FAT3: variants seen among roughly 807,000 people sequenced by gnomAD.
The protein encoded by FAT3 is FAT atypical cadherin 3.
In FAT3, 95 loss-of-function variants were observed where a neutral mutation model predicts 310.2. That is an observed-to-expected ratio of 0.31 (90% CI 0.26 to 0.36). The LOEUF (loss-of-function observed/expected upper bound fraction) is 0.36, where lower values mean the gene tolerates loss of function less well. FAT3 is among the 10% of genes least tolerant of loss of function. The probability of loss-of-function intolerance (pLI) is 1.00; values close to 1 mark genes in which losing one functional copy is unlikely to be tolerated. For synonymous variants in FAT3, 2,314 were observed against 2,192.9 expected, an observed-to-expected ratio of 1.06 and a Z score of -1.54; for missense variants, 5,408 against 5,715.6, an observed-to-expected ratio of 0.95 and a Z score of 1.74.
chr11:92,525,519 T>C (rs949978821), intron 3 of FAT3, among the ~76,000 whole-genome samples: 3 of 152,170 alleles, frequency 2.0e-5, no homozygotes, highest in Non-Finnish European at 2.9e-5. Context: ...AAAACTTAAT[T>C]GGTTGAGTAA....
rs114359654 is a variant in FAT3 at position 92,826,181 on chromosome 11, A to G, written c.9482-5441A>G. ...AAAGACAGAAACCTTCCACTTCTCA[A>G]AAGAAACAAAACACTGTCTTTTAAG... On this transcript the variant is annotated intron_variant, in intron 13 of 27. Transcript: ENST00000525166. Among the ~76,000 whole-genome samples the G allele has an allele frequency of 4.8e-3, 733 of 152,284 alleles. 5 individuals carry two copies. Among genetic ancestry groups the G allele is most frequent in the African/African-American group, 0.017 (697 of 41,554 alleles).
intron 1 of FAT3, among the ~76,000 whole-genome samples, chr11:92,319,628 C>T (rs1430595245): frequency 4.6e-5 from 7 of 152,120 alleles, no homozygotes; most frequent in Admixed American, 1.3e-4. Context: ...ATAGTTCCTA[C>T]CCTTAAGGAG....
intron 1 of FAT3, among the ~76,000 whole-genome samples, chr11:92,350,157 G>C (rs977514462): frequency 1.3e-5 from 2 of 151,862 alleles, no homozygotes; most frequent in African/African-American, 2.4e-5. Flanking sequence ...ATCAAGGAGA[G>C]GGGAGAAAGG....
intron 2 of FAT3, among the ~76,000 whole-genome samples, chr11:92,480,228 G>A (rs370100754): frequency 1.3e-4 from 20 of 152,090 alleles, no homozygotes; most frequent in African/African-American, 4.8e-4. Context: ...TGGCACCACT[G>A]CACTCCAGCC....
chr11:92,839,073 C>T (rs1160864473), intron 17 of FAT3, among the ~76,000 whole-genome samples: 3 of 152,234 alleles, frequency 2.0e-5, no homozygotes, highest in Non-Finnish European at 4.4e-5. Context: ...TCTCTGCCCT[C>T]ATGGCCTCTG....
At chr11:92,285,075 G>A (rs1946525488) in intron 1 of FAT3, among the ~76,000 whole-genome samples, 2 of 152,076 alleles carry the variant, frequency 1.3e-5, no homozygotes, top group Admixed American at 1.3e-4. Flanking sequence ...AAACACAGGA[G>A]GGCAGTGAAT....
chr11:92,574,275 C>T (rs1324823812), intron 3 of FAT3, among the ~76,000 whole-genome samples: 1 of 152,108 alleles, frequency 6.6e-6, no homozygotes, highest in Non-Finnish European at 1.5e-5. Context: ...CCTTAAACTC[C>T]CCAACCCCAC....
At chr11:92,713,032 C>T (rs1349973435) in intron 4 of FAT3, among the ~76,000 whole-genome samples, 1 of 152,226 alleles carries the variant, frequency 6.6e-6, no homozygotes, top group African/African-American at 2.4e-5. Flanking sequence ...CTGCACACTG[C>T]TTACCACCTC....
rs1177172630 is a variant in FAT3 at position 92,254,276 on chromosome 11, G to A, written c.-18+29102G>A. ...CTCCACACCCAAATATGGACAATGAGACAAGATTTAAGAAATGTTGATATC... is the reference window on the plus strand; with the variant it reads ...CTCCACACCCAAATATGGACAATGAAACAAGATTTAAGAAATGTTGATATC... On this transcript the variant is annotated intron_variant, in intron 1 of 27. Transcript: ENST00000525166. Among the ~76,000 whole-genome samples, 3 of 152,124 alleles carry A rather than the reference G, an allele frequency of 2.0e-5. No homozygotes were observed. The South Asian group carries it at 6.2e-4, about 32-fold the overall frequency.
chr11:92,225,924 T>TG (rs1337419929), intron 1 of FAT3, among the ~76,000 whole-genome samples: 6 of 151,846 alleles, frequency 4.0e-5, no homozygotes, highest in Middle Eastern at 3.4e-3. Flanking sequence ...GGCGGGCGTG[T>TG]GGGAAGGCTG....
chr11:92,229,999 C>T (rs2134225367), intron 1 of FAT3, among the ~76,000 whole-genome samples: 1 of 152,152 alleles, frequency 6.6e-6, no homozygotes, highest in African/African-American at 2.4e-5. Context: ...CAGCATTGTC[C>T]TTCCTTGAAC....
At chr11:92,324,087 T>C (rs1947703066) in intron 1 of FAT3, among the ~76,000 whole-genome samples, 1 of 152,216 alleles carries the variant, frequency 6.6e-6, no homozygotes, top group African/African-American at 2.4e-5. Context: ...TTGCTCTGGA[T>C]TAGACTTTGG....
chr11:92,623,243 C>G (rs567922286), intron 3 of FAT3, among the ~76,000 whole-genome samples: 68 of 148,418 alleles, frequency 4.6e-4, no homozygotes, highest in Non-Finnish European at 7.7e-4. Flanking sequence ...AGGTATGCTT[C>G]CCCCAGTGAC....
chr11:92,742,116 A>G (rs1005599123), intron 4 of FAT3, among the ~76,000 whole-genome samples: 1 of 152,220 alleles, frequency 6.6e-6, no homozygotes, highest in Non-Finnish European at 1.5e-5. Context: ...CTTATCCCTC[A>G]GAGAGCTTAC....
chr11:92,332,050 G>C (rs1947936453), intron 1 of FAT3, among the ~76,000 whole-genome samples: 1 of 152,152 alleles, frequency 6.6e-6, no homozygotes, highest in Admixed American at 6.5e-5. Context: ...TTCCATCATG[G>C]TGCTAACCTG....
At chr11:92,614,266 A>G (rs1940700742) in intron 3 of FAT3, among the ~76,000 whole-genome samples, 1 of 152,218 alleles carries the variant, frequency 6.6e-6, no homozygotes, top group Admixed American at 6.5e-5. Flanking sequence ...GAATATACAT[A>G]GGTATGGAAT....
chr11:92,515,129 T>C (rs1314546752), intron 2 of FAT3, among the ~76,000 whole-genome samples: 1 of 152,148 alleles, frequency 6.6e-6, no homozygotes, highest in Non-Finnish European at 1.5e-5. Context: ...CATACACTTA[T>C]TGAGTGCCTA....
chr11:92,587,511 GA>G (rs1939215961), intron 3 of FAT3, among the ~76,000 whole-genome samples: 2 of 151,926 alleles, frequency 1.3e-5, no homozygotes, highest in Non-Finnish European at 2.9e-5. Flanking sequence ...TAGTTGCACA[GA>G]CTAAAATGTC....
intron 4 of FAT3, among the ~76,000 whole-genome samples, chr11:92,736,206 C>A (rs1188601328): frequency 6.6e-6 from 1 of 152,046 alleles, no homozygotes; most frequent in African/African-American, 2.4e-5. Flanking sequence ...CTGACCCAGA[C>A]ATTTTATATC....
Sources: allele counts gnomAD v4.1 joint callset (sites outside exome capture counted in the v4.1 genomes callset), GRCh38; gene constraint gnomAD v4.1.1; transcripts MANE v1.5; gene names NCBI Gene and HGNC (gene_info 2026-07-23, HGNC 2026-07-21).